SSPN: variants seen among roughly 807,000 people sequenced by gnomAD.
SSPN encodes K-ras oncogene-associated protein.
SSPN carries 15 observed loss-of-function variants against 19.1 expected under a neutral mutation model. The observed-to-expected ratio is 0.78, with a 90% CI of 0.52 to 1.21. The LOEUF is 1.21. SSPN is among the 50% of genes most tolerant of loss of function. The pLI is 0.00. For missense variants in SSPN, 291 were observed against 314.0 expected (o/e 0.93, Z 0.55); for synonymous variants, 147 against 140.3 (o/e 1.05, Z -0.34).
chr12:26,129,970 G>T (rs1944388253), intron 1 of SSPN, among the ~76,000 whole-genome samples: 1 of 152,152 alleles, frequency 6.6e-6, no homozygotes, highest in Non-Finnish European at 1.5e-5. Context: ...CAAGCCCAAA[G>T]ACCACAATAG....
At chr12:26,172,221 A>G (rs1454176751) in intron 1 of SSPN, among the ~76,000 whole-genome samples, 1 of 152,218 alleles carries the variant, frequency 6.6e-6, no homozygotes, top group African/African-American at 2.4e-5. Flanking sequence ...TTCAGCGTAA[A>G]GTATACATTC....
intron 1 of SSPN, among the ~76,000 whole-genome samples, chr12:26,156,247 C>T (rs761325827): frequency 1.3e-5 from 2 of 152,114 alleles, no homozygotes; most frequent in Non-Finnish European, 2.9e-5. Context: ...GAGAAGTCAC[C>T]GTTAATCACG....
intron 1 of SSPN, among the ~76,000 whole-genome samples, chr12:26,223,575 C>T (rs927814790): frequency 6.6e-6 from 1 of 152,326 alleles, no homozygotes; most frequent in African/African-American, 2.4e-5. Context: ...TTGTGCAGCC[C>T]TTCCTCTGTG....
chr12:26,166,802 C>T lies in SSPN; in HGVS notation c.-31+44650C>T, dbSNP rs977423170. On this transcript the variant is annotated intron_variant, in intron 1 of 2. Transcript: ENST00000538142. ...AGCCAAAAGTATTTACTCTCTGCCC[C>T]TTTATAGGAAAAGTTTGCTGATCTC... Among the ~76,000 whole-genome samples, 11 of 152,304 alleles carry T rather than the reference C, an allele frequency of 7.2e-5. No homozygotes were observed. The South Asian group carries it at 2.3e-3, about 32-fold the overall frequency.
intron 1 of SSPN, chr12:26,124,322 G>A (rs1944343265): frequency 1.4e-6 from 1 of 694,158 alleles, no homozygotes; most frequent in Non-Finnish European, 2.4e-6. Context: ...CTTTCCTCTG[G>A]ACTGTTCTGC....
upstream of SSPN, among the ~76,000 whole-genome samples, chr12:26,194,436 A>G (rs1444415854): frequency 2.0e-5 from 3 of 152,218 alleles, no homozygotes; most frequent in Non-Finnish European, 4.4e-5. Context: ...CCCAGGCTGG[A>G]GTGCAGTGCC....
chr12:26,137,636 G>GTATATATATATA lies in SSPN; in HGVS notation c.-31+15494_-31+15505dup, dbSNP rs35349803. ...CATATATATGTGTGTGTGTGTGTAT[G>GTATATATATATA]TATATATATATATATATATATTTTT... is the stretch of plus-strand genomic sequence containing the variant. On this transcript the variant is annotated intron_variant, in intron 1 of 2. Coordinates refer to the SSPN transcript ENST00000538142. Among the ~76,000 whole-genome samples, 43 of 31,364 alleles carry GTATATATATATA rather than the reference G, an allele frequency of 1.4e-3. 1 individual carries two copies. Among genetic ancestry groups the GTATATATATATA allele is most frequent in the South Asian group, 4.6e-3 (2 of 434 alleles). The allele number at this position is 31,364 out of a possible 152,430, so 20.6% of individuals were successfully genotyped here. A position where few individuals can be genotyped will look rare whatever the true frequency, so the allele number is the denominator to read the frequency against.
rs549069382 is a variant in SSPN, at chr12:26,219,471, C to T, written c.280-4822C>T. 1.8e-4 allele frequency among the ~76,000 whole-genome samples: 7 copies of T among 38,662 alleles called. No individual in the cohort carries two copies. The Admixed American group carries it at 2.1e-3, about 12-fold the overall frequency. 25.4% of individuals were successfully genotyped at this position (38,662 alleles called of 152,430 possible). ...ACAATGTGTGACAAGACTCAGGACTCGCACATCCACAAAAAATGGATTTAA... is the reference window on the plus strand; with the variant it reads ...ACAATGTGTGACAAGACTCAGGACTTGCACATCCACAAAAAATGGATTTAA... On this transcript the variant is annotated intron_variant, in intron 1 of 2. Coordinates refer to ENST00000242729, the MANE Select transcript of SSPN (RefSeq NM_005086.5).
intron 1 of SSPN, among the ~76,000 whole-genome samples, chr12:26,135,511 C>T (rs1489960553): frequency 2.6e-5 from 4 of 152,168 alleles, no homozygotes; most frequent in East Asian, 3.9e-4. Flanking sequence ...CTGGAGGATG[C>T]GCTACGAATG....
At chr12:26,175,508 A>G (rs1466207892) in intron 1 of SSPN, among the ~76,000 whole-genome samples, 1 of 152,152 alleles carries the variant, frequency 6.6e-6, no homozygotes, top group African/African-American at 2.4e-5. Flanking sequence ...TTCTCTTGCC[A>G]GGTAGCTAAT....
At chr12:26,196,812 C>T (rs1030463811) in intron 1 of SSPN, among the ~76,000 whole-genome samples, 4 of 152,234 alleles carry the variant, frequency 2.6e-5, no homozygotes, top group African/African-American at 9.6e-5. Context: ...CAGACTCACC[C>T]AGGGTCATGA....
intron 1 of SSPN, among the ~76,000 whole-genome samples, chr12:26,134,372 CCTT>C (rs1329348369): frequency 1.3e-5 from 2 of 152,200 alleles, no homozygotes; most frequent in African/African-American, 4.8e-5. Flanking sequence ...AGATTTGTCT[CCTT>C]CTATCAGCTC....
At chr12:26,223,715 G>A (rs1453517265) in intron 1 of SSPN, among the ~76,000 whole-genome samples, 1 of 152,116 alleles carries the variant, frequency 6.6e-6, no homozygotes, top group Non-Finnish European at 1.5e-5. Context: ...ATAGGATTTT[G>A]TAGCAATTAT....
At chr12:26,182,219 A>G (rs1944722799) in intron 1 of SSPN, among the ~76,000 whole-genome samples, 2 of 152,222 alleles carry the variant, frequency 1.3e-5, no homozygotes, top group African/African-American at 4.8e-5. Context: ...TCACTCATTC[A>G]GTCAGTCACT....
At chr12:26,122,941 C>T (rs372622178) in intron 1 of SSPN, 31 of 1,553,442 alleles carry the variant, frequency 2.0e-5, no homozygotes, top group Non-Finnish European at 2.5e-5. Context: ...GCCGAGGGAG[C>T]GCCGGTGCCT....
At chr12:26,174,629 T>C (rs779720405) in intron 1 of SSPN, among the ~76,000 whole-genome samples, 25 of 152,090 alleles carry the variant, frequency 1.6e-4, no homozygotes, top group Middle Eastern at 3.2e-3. Context: ...CAACTGATTC[T>C]CCTGCCTCAG....
intron 2 of SSPN, among the ~76,000 whole-genome samples, chr12:26,228,932 G>A (rs367911959): frequency 5.3e-5 from 8 of 152,116 alleles, no homozygotes; most frequent in African/African-American, 1.7e-4. Context: ...GATCACTTGA[G>A]GCTTGGAGTT....
chr12:26,183,270 C>G (rs768119847), intron 1 of SSPN, among the ~76,000 whole-genome samples: 1 of 152,092 alleles, frequency 6.6e-6, no homozygotes, highest in African/African-American at 2.4e-5. Context: ...TATATCATAC[C>G]TACCTTTTCT....
upstream of SSPN, among the ~76,000 whole-genome samples, chr12:26,194,354 G>C (rs1944807516): frequency 6.6e-6 from 1 of 152,200 alleles, no homozygotes; most frequent in African/African-American, 2.4e-5. Context: ...CTATCTCTAA[G>C]ATGGTCAATC....
Sources: gnomAD v4.1 joint callset for allele counts (sites outside exome capture counted in the v4.1 genomes callset) on GRCh38, gnomAD v4.1.1 for gene constraint, MANE v1.5 for transcripts, NCBI Gene and HGNC (gene_info 2026-07-23, HGNC 2026-07-21) for gene names.